The following PDXK variants were observed in gnomAD, a reference collection of about 807,000 sequenced individuals.
PDXK encodes epididymis secretory sperm binding protein Li 1a.
PDXK carries 15 observed loss-of-function variants against 43.2 expected under a neutral mutation model. The ratio of observed to expected loss-of-function variants is 0.35; its 90% CI spans 0.23 to 0.53. The LOEUF (loss-of-function observed/expected upper bound fraction) is 0.53, where lower values mean the gene tolerates loss of function less well. Among genes scored for constraint, PDXK ranks in the 20% least tolerant of loss-of-function variants. The probability of loss-of-function intolerance (pLI) is 0.92; values close to 1 mark genes in which losing one functional copy is unlikely to be tolerated. For missense variants in PDXK, 343 were observed against 417.0 expected (o/e 0.82, Z 1.54); for synonymous variants, 172 against 165.4 (o/e 1.04, Z -0.31).
chr21:43,732,239 TGGCTTCCAGCTGAA>T lies in PDXK; in HGVS notation c.88-1827_88-1814del, dbSNP rs1245768390. The T allele has an allele frequency of 6.1e-6, 9 of 1,467,562 alleles. No homozygotes were observed. The East Asian group carries it at 2.2e-4, about 36-fold the overall frequency. The allele number at this position is 1,467,562 out of a possible 1,614,324, so 90.9% of individuals were successfully genotyped here. A position where few individuals can be genotyped will look rare whatever the true frequency, so the allele number is the denominator to read the frequency against. ...AGAGGCATGGTCCGGCACAGAGCGC[TGGCTTCCAGCTGAA>T]GGACATGTGTAACAGCAGGAGATAC... On this transcript the variant is annotated intron_variant, in intron 1 of 10. Coordinates refer to ENST00000291565, the MANE Select transcript of PDXK (RefSeq NM_003681.5). This position sits in a 1 kb window ranked among gnomAD's most constrained non-coding sequence, Gnocchi z 4.1.
At chr21:43,728,036 C>T (rs1029064477) in intron 1 of PDXK, among the ~76,000 whole-genome samples, 2 of 152,238 alleles carry the variant, frequency 1.3e-5, no homozygotes, top group African/African-American at 2.4e-5. Flanking sequence ...CTCTGCGGCA[C>T]TGTGAGCCTG....
Position 43,737,026 on chromosome 21 carries a change from G to A in PDXK, c.142+2903G>A, listed in dbSNP as rs1412032450. On this transcript the variant is annotated intron_variant, in intron 2 of 10. Coordinates refer to ENST00000291565, the MANE Select transcript of PDXK (RefSeq NM_003681.5). The surrounding 1 kb of genome is among the most constrained non-coding windows in gnomAD (Gnocchi z 4.8). ...CAGCTCACTGCAGCCTTGACCTCCT[G>A]GGCTGAAGCAATCTTTCTGCCTCCA... 1 of 713,276 alleles carries A rather than the reference G, an allele frequency of 1.4e-6. No homozygotes were observed. The highest frequency in any genetic ancestry group is 1.7e-5 in the African/African-American group (1 of 57,592). The allele number at this position is 713,276 out of a possible 1,614,324, so 44.2% of individuals were successfully genotyped here.
chr21:43,748,557 G>C (rs973015537), intron 5 of PDXK: 1 of 160,712 alleles, frequency 6.2e-6, no homozygotes, highest in African/African-American at 2.4e-5. Flanking sequence ...GATGAAGGGT[G>C]CATTGACTCA....
intron 1 of PDXK, among the ~76,000 whole-genome samples, chr21:43,726,564 G>A (rs551812229): frequency 4.9e-4 from 74 of 151,924 alleles, no homozygotes; most frequent in Non-Finnish European, 9.9e-4. Context: ...CTGAGCCACC[G>A]CGCCCGGCCA....
Position 43,754,942 on chromosome 21 carries a change from A to G in PDXK, c.760-756A>G, listed in dbSNP as rs140232983. Among the ~76,000 whole-genome samples, 17 of 152,224 alleles carry G rather than the reference A, an allele frequency of 1.1e-4. No individual in the cohort carries two copies. In the East Asian group the frequency reaches 3.3e-3, roughly 29 times the overall value. ...TGGGACTAGCCCTCTGCACACCCTG[A>G]GCTGGAATGCACAGCCCCCTCATTC... is the stretch of plus-strand genomic sequence containing the variant. On this transcript the variant is annotated intron_variant, in intron 9 of 10. Transcript: ENST00000291565. This position sits in a 1 kb window ranked among gnomAD's most constrained non-coding sequence, Gnocchi z 5.5.
In PDXK at chr21:43,720,545, G is replaced by A. The variant is rs113304729; in HGVS notation, c.87+1164G>A. Among the ~76,000 whole-genome samples the A allele has an allele frequency of 6.0e-3, 909 of 152,322 alleles. 7 individuals carry two copies. Among genetic ancestry groups the A allele is most frequent in the Non-Finnish European group, 8.8e-3 (601 of 68,022 alleles). On this transcript the variant is annotated intron_variant, in intron 1 of 10. Coordinates refer to ENST00000291565, the MANE Select transcript of PDXK (RefSeq NM_003681.5). ...TGGAGGTCCTGTTGGGAAGGATGCG[G>A]TGCTTCACAGGTGGTCTTACTTGAG...
chr21:43,719,449 C>G, intron 1 of PDXK, 68 bp downstream of exon 1: 1 of 1,435,776 alleles, frequency 7.0e-7, no homozygotes, highest in South Asian at 1.3e-5. Flanking sequence ...CTGCCCGAGA[C>G]GAGCCTCAGT....
At position 43,732,167 on chromosome 21, in the gene PDXK, T is replaced by C; in HGVS notation, c.88-1902T>C. 1.4e-6 allele frequency: 2 copies of C among 1,408,662 alleles called. No individual in the cohort carries two copies. Among genetic ancestry groups the C allele is most frequent in the Non-Finnish European group, 1.8e-6 (2 of 1,085,442 alleles). The allele number at this position is 1,408,662 out of a possible 1,614,324, so 87.3% of individuals were successfully genotyped here. The stretch of plus-strand genomic sequence containing the variant: ...TCAGTTTCACATTCTTGGTACCTCC[T>C]GGTGGTGCCTGGGAGGGAGCCACTG... On this transcript the variant is annotated intron_variant, in intron 1 of 10. Transcript: ENST00000291565. The surrounding 1 kb of genome is among the most constrained non-coding windows in gnomAD (Gnocchi z 4.1).
chr21:43,737,818 C>T lies in PDXK; in HGVS notation c.142+3695C>T, dbSNP rs186494824. 12 of 985,524 alleles carry T rather than the reference C, an allele frequency of 1.2e-5. No individual in the cohort carries two copies. The Admixed American group carries it at 5.5e-4, about 45-fold the overall frequency. 61.0% of individuals were successfully genotyped at this position (985,524 alleles called of 1,614,324 possible). ...AGGCTCCTTGGGCCGCCCGAGGAAC[C>T]GCTTGTTTGCCTGTGCTTTTTCATC... On this transcript the variant is annotated intron_variant, in intron 2 of 10. Transcript: ENST00000291565. This position sits in a 1 kb window ranked among gnomAD's most constrained non-coding sequence, Gnocchi z 4.8.
In PDXK at chr21:43,754,458, G is replaced by T. The variant is rs1872774352; in HGVS notation, c.759+739G>T. On this transcript the variant is annotated intron_variant, in intron 9 of 10. Coordinates refer to ENST00000291565, the MANE Select transcript of PDXK (RefSeq NM_003681.5). This position sits in a 1 kb window ranked among gnomAD's most constrained non-coding sequence, Gnocchi z 5.5. ...TCCGTGACCTCCCGTGCTGCATGCA[G>T]CAGAGTTGCTTGTGGCCTCGGCAGG... Among the ~76,000 whole-genome samples the T allele has an allele frequency of 6.6e-6, 1 of 152,184 alleles. No homozygotes were observed. Among genetic ancestry groups the T allele is most frequent in the Non-Finnish European group, 1.5e-5 (1 of 68,038 alleles).
chr21:43,755,615 C>T, intron 9 of PDXK, 83 bp from the exon 10 acceptor site: 2 of 1,181,670 alleles, frequency 1.7e-6, no homozygotes, highest in Non-Finnish European at 2.5e-6. Flanking sequence ...CCTTGTGTTC[C>T]CTGGAAATCC....
chr21:43,750,429 G>T (rs1010951598), intron 6 of PDXK, 71 bp from the exon 7 acceptor site: 4 of 1,364,532 alleles, frequency 2.9e-6, no homozygotes. Context: ...GCGGTTTGGG[G>T]AATGTCAACA....
At position 43,732,050 on chromosome 21, in the gene PDXK, G is replaced by GGAA. The variant is rs1224869272; in HGVS notation, c.88-2017_88-2015dup. 7.5e-5 allele frequency: 54 copies of GGAA among 721,796 alleles called. No homozygotes were observed. Among genetic ancestry groups the GGAA allele is most frequent in the Non-Finnish European group, 9.6e-5 (53 of 551,176 alleles). The allele number at this position is 721,796 out of a possible 1,614,324, so 44.7% of individuals were successfully genotyped here. ...CAAAGTGGATTCCGCTGCTGCTATG[G>GGAA]GAAGGGACGGTCACTACCGCTGCCC... On this transcript the variant is annotated intron_variant, in intron 1 of 10. Coordinates refer to ENST00000291565, the MANE Select transcript of PDXK (RefSeq NM_003681.5). This position sits in a 1 kb window ranked among gnomAD's most constrained non-coding sequence, Gnocchi z 4.1.
chr21:43,730,197 C>G (rs1304147638), intron 1 of PDXK, among the ~76,000 whole-genome samples: 1 of 152,094 alleles, frequency 6.6e-6, no homozygotes, highest in East Asian at 1.9e-4. Context: ...GCAGTCTTGG[C>G]TCACTGCAAC....
chr21:43,728,939 G>T, intron 1 of PDXK: 1 of 985,482 alleles, frequency 1.0e-6, no homozygotes. Context: ...GGATTATTTT[G>T]ACCCCCCAGG....
intron 8 of PDXK, among the ~76,000 whole-genome samples, chr21:43,753,187 TACAC>T (rs369374015): frequency 5.3e-5 from 8 of 151,824 alleles, no homozygotes; most frequent in Admixed American, 2.6e-4. Context: ...CATGCACACA[TACAC>T]ACGGGCACAC....
rs573490340 is a variant in PDXK, at chr21:43,737,283, G to C, written c.142+3160G>C. On this transcript the variant is annotated intron_variant, in intron 2 of 10. Transcript: ENST00000291565. This position sits in a 1 kb window ranked among gnomAD's most constrained non-coding sequence, Gnocchi z 4.8. ...TGCCTGCAGAGCCCACCTGGCGCAG[G>C]CCTCGCCGCCTCGAGGCTGCTGCTC... 3.6e-6 allele frequency: 5 copies of C among 1,404,730 alleles called. No individual in the cohort carries two copies. Among genetic ancestry groups the C allele is most frequent in the Non-Finnish European group, 4.6e-6 (5 of 1,081,948 alleles). 87.0% of individuals were successfully genotyped at this position (1,404,730 alleles called of 1,614,324 possible).
rs536155946 is a variant in PDXK, at chr21:43,723,097, C to T, written c.87+3716C>T. ...TCGTGATCCGCCCACCTCGGCCTCC[C>T]AAAGTACTGGGATTACAGGCATGGG... On this transcript the variant is annotated intron_variant, in intron 1 of 10. Transcript: ENST00000291565. This position sits in a 1 kb window ranked among gnomAD's most constrained non-coding sequence, Gnocchi z 4.1. 9.1e-4 allele frequency among the ~76,000 whole-genome samples: 138 copies of T among 152,186 alleles called. No individual in the cohort carries two copies. Among genetic ancestry groups the T allele is most frequent in the Middle Eastern group, 3.4e-3 (1 of 294 alleles).
At chr21:43,726,012 TTC>T (rs60147387) in intron 1 of PDXK, among the ~76,000 whole-genome samples, 656 of 147,144 alleles carry the variant, frequency 4.5e-3, no homozygotes, top group South Asian at 8.1e-3. Flanking sequence ...CTAGCTGGGA[TTC>T]TCTCTCTCTC....
Sources: gnomAD v4.1 joint callset for allele counts (sites outside exome capture counted in the v4.1 genomes callset) on GRCh38, gnomAD v4.1.1 for gene constraint, Gnocchi (gnomAD v3.1) non-coding constraint, MANE v1.5 for transcripts, NCBI Gene and HGNC (gene_info 2026-07-23, HGNC 2026-07-21) for gene names.